CCDC171: variants seen among roughly 807,000 people sequenced by gnomAD.
CCDC171 encodes the protein coiled-coil domain-containing protein 171.
CCDC171 carries 177 observed loss-of-function variants against 168.2 expected under a neutral mutation model. The ratio of observed to expected loss-of-function variants is 1.05; its 90% CI spans 0.93 to 1.19. CCDC171 has a LOEUF of 1.19. Among genes scored for constraint, CCDC171 ranks in the 50% most tolerant of loss-of-function variants. CCDC171 has a pLI of 0.00. For synonymous variants in CCDC171, 687 were observed against 540.8 expected, an observed-to-expected ratio of 1.27 and a Z score of -3.75; for missense variants, 1,991 against 1,539.0, an observed-to-expected ratio of 1.29 and a Z score of -4.91.
rs202022770 is a variant in CCDC171, at chr9:15,579,057, G to C, written c.352+34G>C. ...GTTTCTATTTCTTCCCAAGTTTAGG[G>C]TTGTAACCTGATTGTATATCACTCC... is the stretch of plus-strand genomic sequence containing the variant. On this transcript the variant is annotated intron_variant, in intron 4 of 25. Transcript: ENST00000380701. 8.6e-5 allele frequency: 134 copies of C among 1,558,586 alleles called. 3 individuals carry two copies. The Admixed American group carries it at 2.3e-3, about 26-fold the overall frequency.
At chr9:15,635,833 T>A (rs2046161296) in intron 7 of CCDC171, among the ~76,000 whole-genome samples, 2 of 152,206 alleles carry the variant, frequency 1.3e-5, no homozygotes, top group South Asian at 4.1e-4. Context: ...GGTCACATGG[T>A]AACTATATGG....
rs1352687041 is a variant in CCDC171 at position 15,818,661 on chromosome 9, C to T, written c.3268-28041C>T. The stretch of plus-strand genomic sequence containing the variant: ...TTTAGAGAAAAAAGAATAAAAGAAA[C>T]GAACAAAGCCTCCAAGAAATATGGG... On this transcript the variant is annotated intron_variant, in intron 21 of 25. Coordinates refer to ENST00000380701, the MANE Select transcript of CCDC171 (RefSeq NM_173550.4). Among the ~76,000 whole-genome samples the T allele has an allele frequency of 1.5e-4, 18 of 117,222 alleles. 6 individuals are homozygous for T. The highest frequency in any genetic ancestry group is 2.5e-4 in the Non-Finnish European group (13 of 52,276). The allele number at this position is 117,222 out of a possible 152,430, so 76.9% of individuals were successfully genotyped here. A position where few individuals can be genotyped will look rare whatever the true frequency, so the allele number is the denominator to read the frequency against.
chr9:15,814,163 G>T (rs2059468342), intron 21 of CCDC171, among the ~76,000 whole-genome samples: 1 of 152,194 alleles, frequency 6.6e-6, no homozygotes, highest in South Asian at 2.1e-4. Context: ...ATAGCCCATT[G>T]ATTTCCCAGA....
intron 25 of CCDC171, among the ~76,000 whole-genome samples, chr9:15,922,730 C>G (rs907997111): frequency 6.6e-6 from 1 of 151,428 alleles, no homozygotes; most frequent in African/African-American, 2.4e-5. Context: ...TTCACCAACA[C>G]TTATCTTTTG....
At chr9:15,840,731 A>G (rs912166956) in intron 21 of CCDC171, among the ~76,000 whole-genome samples, 3 of 152,088 alleles carry the variant, frequency 2.0e-5, no homozygotes, top group East Asian at 3.9e-4. Flanking sequence ...TTTTCTGAGT[A>G]TATTTTCCAG....
In CCDC171 at chr9:15,778,871, G is replaced by A. The variant is rs1425312763; in HGVS notation, c.2899-97G>A. On this transcript the variant is annotated intron_variant, in intron 19 of 25. Coordinates refer to ENST00000380701, the MANE Select transcript of CCDC171 (RefSeq NM_173550.4). ...TCTGTAATAGCTAGCACTGGTTTTT[G>A]GATAATCTAAGTTACATTTAATTTA... The A allele has an allele frequency of 3.4e-6, 3 of 877,082 alleles. No homozygotes were observed. The African/African-American group carries it at 5.2e-5, about 15-fold the overall frequency. The allele number at this position is 877,082 out of a possible 1,614,324, so 54.3% of individuals were successfully genotyped here. A position where few individuals can be genotyped will look rare whatever the true frequency, so the allele number is the denominator to read the frequency against.
At chr9:16,052,484 C>G (rs1458507455) in intron 1 of CCDC171, among the ~76,000 whole-genome samples, 1 of 152,184 alleles carries the variant, frequency 6.6e-6, no homozygotes, top group Non-Finnish European at 1.5e-5. Context: ...TTATGCCACA[C>G]AAACTTCTCT....
At chr9:15,786,890 C>G (rs2057990492) in intron 21 of CCDC171, among the ~76,000 whole-genome samples, 1 of 152,120 alleles carries the variant, frequency 6.6e-6, no homozygotes, top group Admixed American at 6.6e-5. Context: ...CCACCTTCAA[C>G]TGTAGCTTTC....
At chr9:15,589,848 T>G (rs1488703871) in intron 4 of CCDC171, among the ~76,000 whole-genome samples, 1 of 151,800 alleles carries the variant, frequency 6.6e-6, no homozygotes, top group Non-Finnish European at 1.5e-5. Context: ...ATGAAAAAAT[T>G]TGAGGACCAA....
the CCDC171 span, among the ~76,000 whole-genome samples, chr9:16,093,024 C>G: frequency 9.2e-5 from 14 of 152,162 alleles, no homozygotes; most frequent in African/African-American, 3.4e-4. Flanking sequence ...GCCTTGCTGA[C>G]AAAACGTGGT....
chr9:15,749,211 G>A (rs149176510), intron 18 of CCDC171, among the ~76,000 whole-genome samples: 4,264 of 150,800 alleles, frequency 0.028, 121 homozygotes, highest in African/African-American at 0.068. Flanking sequence ...AACAAAGATC[G>A]AAAGAGACAA....
At chr9:15,695,448 T>G (rs1334326749) in intron 11 of CCDC171, 111 bp downstream of exon 11, 11 of 817,118 alleles carry the variant, frequency 1.3e-5, no homozygotes, top group Non-Finnish European at 2.1e-5. Flanking sequence ...ATGTTTTGAT[T>G]TGATGACATG....
At chr9:15,993,927 T>C (rs183030411) in intron 3 of CCDC171, among the ~76,000 whole-genome samples, 91 of 152,156 alleles carry the variant, frequency 6.0e-4, no homozygotes, top group African/African-American at 2.2e-3. Flanking sequence ...CATTGAAAAG[T>C]CAGGAAATAA....
intron 9 of CCDC171, among the ~76,000 whole-genome samples, chr9:15,669,952 T>TAAAAAAAAAAAAAAA (rs34465887): frequency 8.9e-6 from 1 of 112,328 alleles, no homozygotes; most frequent in Non-Finnish European, 1.8e-5. Context: ...GCTGAAGTCT[T>TAAAAAAAAAAAAAAA]AAAAAAAAAA....
chr9:16,099,612 CT>C, the CCDC171 span, among the ~76,000 whole-genome samples: 1 of 152,164 alleles, frequency 6.6e-6, no homozygotes, highest in Non-Finnish European at 1.5e-5. Flanking sequence ...TGGAAGGCAC[CT>C]TTGTAGGAGG....
At chr9:16,100,377 C>G in the CCDC171 span, among the ~76,000 whole-genome samples, 2 of 152,212 alleles carry the variant, frequency 1.3e-5, no homozygotes, top group Non-Finnish European at 2.9e-5. Flanking sequence ...GCAGCTACCT[C>G]AGGCCTCCTC....
chr9:15,649,061 T>C (rs975396994), intron 7 of CCDC171, among the ~76,000 whole-genome samples: 11 of 152,070 alleles, frequency 7.2e-5, no homozygotes, highest in Non-Finnish European at 1.5e-4. Flanking sequence ...TATAGACCAA[T>C]GGAACAGAAC....
At chr9:16,048,646 ATCTC>A (rs775654855) in intron 1 of CCDC171, among the ~76,000 whole-genome samples, 8 of 152,264 alleles carry the variant, frequency 5.3e-5, no homozygotes, top group East Asian at 1.9e-4. Flanking sequence ...GAGTGGCTTT[ATCTC>A]TCTCTCTTTT....
At chr9:15,690,179 C>G (rs1461302663) in intron 10 of CCDC171, among the ~76,000 whole-genome samples, 1 of 152,080 alleles carries the variant, frequency 6.6e-6, no homozygotes, top group African/African-American at 2.4e-5. Flanking sequence ...CAACACTGTT[C>G]TAAATCTAGA....
Sources: allele counts gnomAD v4.1 joint callset (sites outside exome capture counted in the v4.1 genomes callset), GRCh38; gene constraint gnomAD v4.1.1; transcripts MANE v1.5; gene names NCBI Gene and HGNC (gene_info 2026-07-23, HGNC 2026-07-21).